AP3S1: variants seen among roughly 807,000 people sequenced by gnomAD.
AP3S1 encodes the protein AP-3 complex subunit sigma-1.
In AP3S1, 12 loss-of-function variants were observed where a neutral mutation model predicts 21.3. The observed-to-expected ratio is 0.56, with a 90% confidence interval of 0.36 to 0.91. AP3S1 has a LOEUF of 0.91. Ranked by LOEUF, AP3S1 falls within the 40% of genes least tolerant of loss-of-function variation. The pLI is 0.01. For missense variants in AP3S1, 116 were observed against 225.0 expected, an observed-to-expected ratio of 0.52 and a Z score of 3.10; for synonymous variants, 48 against 78.4, an observed-to-expected ratio of 0.61 and a Z score of 2.05.
intron 5 of AP3S1, among the ~76,000 whole-genome samples, chr5:115,910,819 A>C (rs1443392933): frequency 6.6e-6 from 1 of 152,092 alleles, no homozygotes; most frequent in Admixed American, 6.6e-5. Context: ...TTTCTTTTTA[A>C]AACGTTAGTT....
chr5:115,879,550 A>C (rs985443250), intron 3 of AP3S1, among the ~76,000 whole-genome samples: 1 of 152,080 alleles, frequency 6.6e-6, no homozygotes, highest in African/African-American at 2.4e-5. Flanking sequence ...GATGAAGCCG[A>C]CTTGATTGTG....
intron 4 of AP3S1, among the ~76,000 whole-genome samples, chr5:115,898,285 C>T (rs912666040): frequency 6.6e-6 from 1 of 152,192 alleles, no homozygotes; most frequent in African/African-American, 2.4e-5. Context: ...GTAACAGTTT[C>T]TATGTGGCCA....
intron 1 of AP3S1, among the ~76,000 whole-genome samples, chr5:115,865,860 G>A (rs373786439): frequency 3.9e-5 from 6 of 152,244 alleles, no homozygotes; most frequent in East Asian, 1.9e-4. Context: ...GTGCAGTGGC[G>A]CGATCTCAGC....
At chr5:115,857,719 A>G (rs909378086) in intron 1 of AP3S1, among the ~76,000 whole-genome samples, 1 of 152,202 alleles carries the variant, frequency 6.6e-6, no homozygotes, top group Non-Finnish European at 1.5e-5. Context: ...ACTTGTAGAC[A>G]TGATTTATTC....
chr5:115,882,167 TTTG>T (rs1283506220), intron 3 of AP3S1, among the ~76,000 whole-genome samples: 4 of 151,734 alleles, frequency 2.6e-5, no homozygotes, highest in African/African-American at 9.7e-5. Context: ...CTCAGAGGAG[TTTG>T]TTATTACCCA....
At chr5:115,897,398 A>G (rs1425919084) in intron 4 of AP3S1, among the ~76,000 whole-genome samples, 2 of 152,200 alleles carry the variant, frequency 1.3e-5, no homozygotes, top group Non-Finnish European at 2.9e-5. Flanking sequence ...CAGAGATCAA[A>G]TAAGTGTTTC....
At chr5:115,871,447 C>T (rs1413608806) in intron 3 of AP3S1, among the ~76,000 whole-genome samples, 1 of 152,120 alleles carries the variant, frequency 6.6e-6, no homozygotes, top group Non-Finnish European at 1.5e-5. Context: ...CACTATGTAC[C>T]CATTTCTAGA....
intron 2 of AP3S1, among the ~76,000 whole-genome samples, chr5:115,868,968 AGGGAGGGAGGGAGG>A (rs1350851957): frequency 1.4e-3 from 6 of 4,306 alleles, no homozygotes; most frequent in Admixed American, 3.2e-3. Flanking sequence ...GGAGGGAGGG[AGGGAGGGAGGGAGG>A]GAGAGATGCC....
chr5:115,864,361 T>C (rs570601097), intron 1 of AP3S1, among the ~76,000 whole-genome samples: 1 of 152,304 alleles, frequency 6.6e-6, no homozygotes, highest in South Asian at 2.1e-4. Flanking sequence ...CCCCATGAGT[T>C]CAACACCAAA....
rs756120216 is a variant in AP3S1, at chr5:115,870,063, A to G, written c.208A>G (p.Thr70Ala). ...CAAACTGATTTATAGACATTATGCA[A>G]CGTTATATTTTGTCTTCTGTGTGGA... ...DNKLIYRHYATLYFVFCVDSS... is the reference protein window; with the variant it reads ...DNKLIYRHYAALYFVFCVDSS... The change falls in exon 3 of 6, where the codon ACG becomes GCG. Residue 70 changes from threonine (T) to alanine (A), a missense_variant. Thr to Ala is a moderately conservative substitution (Grantham distance 58). Around this residue, in one of 3 missense-constraint regions of AP3S1, gnomAD observed 65 missense variants for 148.2 expected, o/e 0.44. Coordinates refer to ENST00000316788, the MANE Select transcript of AP3S1 (RefSeq NM_001284.4). 7 of 1,609,124 alleles carry G rather than the reference A, an allele frequency of 4.4e-6. No individual in the cohort carries two copies. The highest frequency in any genetic ancestry group is 1.3e-5 in the African/African-American group (1 of 74,724).
intron 3 of AP3S1, among the ~76,000 whole-genome samples, chr5:115,883,556 G>A (rs1022160386): frequency 6.6e-6 from 1 of 152,242 alleles, no homozygotes; most frequent in African/African-American, 2.4e-5. Context: ...CAGTCCCAAT[G>A]AGATGAGCCA....
intron 1 of AP3S1, among the ~76,000 whole-genome samples, chr5:115,863,023 G>T (rs1210038723): frequency 6.6e-6 from 1 of 152,188 alleles, no homozygotes; most frequent in Non-Finnish European, 1.5e-5. Context: ...AGCACTTTGG[G>T]AGGCCAAGGC....
intron 2 of AP3S1, among the ~76,000 whole-genome samples, chr5:115,868,229 C>CT (rs35079210): frequency 6.6e-6 from 1 of 152,128 alleles, no homozygotes; most frequent in Non-Finnish European, 1.5e-5. Context: ...CATTACTGGC[C>CT]TTTTTGAAAC....
chr5:115,875,153 T>C, intron 3 of AP3S1, among the ~76,000 whole-genome samples: 1 of 152,310 alleles, frequency 6.6e-6, no homozygotes, highest in East Asian at 1.9e-4. Flanking sequence ...TTTTTTTTAA[T>C]CTTTCTGACT....
At chr5:115,887,686 T>G (rs1749922562) in intron 3 of AP3S1, among the ~76,000 whole-genome samples, 1 of 152,164 alleles carries the variant, frequency 6.6e-6, no homozygotes, top group South Asian at 2.1e-4. Context: ...GTTACCATTA[T>G]TATGCCCAGA....
intron 1 of AP3S1, among the ~76,000 whole-genome samples, chr5:115,861,744 G>A (rs1173132376): frequency 6.6e-6 from 1 of 151,438 alleles, no homozygotes; most frequent in East Asian, 1.9e-4. Flanking sequence ...ACAGGGTTTT[G>A]CCATGTTGAC....
At chr5:115,909,179 C>T (rs1361316390) in intron 5 of AP3S1, among the ~76,000 whole-genome samples, 1 of 151,954 alleles carries the variant, frequency 6.6e-6, no homozygotes, top group African/African-American at 2.4e-5. Flanking sequence ...TTTCCTTTTC[C>T]CTTCAAGAAA....
chr5:115,875,470 A>T (rs1015466367), intron 3 of AP3S1, among the ~76,000 whole-genome samples: 4 of 152,174 alleles, frequency 2.6e-5, no homozygotes, highest in Non-Finnish European at 5.9e-5. Flanking sequence ...TGACAGATAC[A>T]CTGTTTAAGC....
intron 5 of AP3S1, among the ~76,000 whole-genome samples, chr5:115,908,312 T>C (rs1751824243): frequency 6.6e-6 from 1 of 152,186 alleles, no homozygotes; most frequent in African/African-American, 2.4e-5. Context: ...CATTAATCAC[T>C]TGGGTCTGTT....
Sources: allele counts gnomAD v4.1 joint callset (sites outside exome capture counted in the v4.1 genomes callset), GRCh38; gene constraint gnomAD v4.1.1; regional missense constraint gnomAD v4.1.1; transcripts MANE v1.5; gene names NCBI Gene and HGNC (gene_info 2026-07-23, HGNC 2026-07-21).